The following DCC variants were observed in gnomAD, a reference collection of about 807,000 sequenced individuals.
DCC encodes DCC netrin 1 receptor.
In DCC, 58 loss-of-function variants were observed where a neutral mutation model predicts 172.5. The ratio of observed to expected loss-of-function variants is 0.34; its 90% CI spans 0.27 to 0.42. The LOEUF (loss-of-function observed/expected upper bound fraction) is 0.42, where lower values mean the gene tolerates loss of function less well. DCC is among the 10% of genes least tolerant of loss of function. The pLI is 1.00. For missense variants in DCC, 1,740 were observed against 1,791.0 expected, an observed-to-expected ratio of 0.97 and a Z score of 0.51; for synonymous variants, 709 against 644.5, an observed-to-expected ratio of 1.10 and a Z score of -1.52.
chr18:52,481,838 C>CA (rs887969502), intron 1 of DCC, among the ~76,000 whole-genome samples: 7 of 151,678 alleles, frequency 4.6e-5, no homozygotes, highest in Non-Finnish European at 8.8e-5. Context: ...AGTAAATTAT[C>CA]AAAAAAATCT....
chr18:53,083,967 T>C (rs1254770709), intron 7 of DCC, among the ~76,000 whole-genome samples: 3 of 152,242 alleles, frequency 2.0e-5, no homozygotes, highest in Non-Finnish European at 4.4e-5. Context: ...TTTGTGGTTC[T>C]GAGTTAGTGT....
intron 1 of DCC, among the ~76,000 whole-genome samples, chr18:52,448,844 A>G (rs1394457050): frequency 2.6e-5 from 4 of 152,230 alleles, no homozygotes; most frequent in Admixed American, 2.6e-4. Flanking sequence ...TGCCAAATGT[A>G]TTAAAATGAT....
intron 2 of DCC, among the ~76,000 whole-genome samples, chr18:52,786,366 C>CA (rs978102975): frequency 2.6e-5 from 4 of 151,786 alleles, no homozygotes; most frequent in Non-Finnish European, 4.4e-5. Flanking sequence ...AAAATGTAGG[C>CA]AAAAAAACTT....
chr18:52,342,566 T>TG (rs1421509253), intron 1 of DCC, among the ~76,000 whole-genome samples: 1 of 152,184 alleles, frequency 6.6e-6, no homozygotes, highest in Non-Finnish European at 1.5e-5. Context: ...ACCCTCCTTC[T>TG]GCCCAGAAGA....
intron 5 of DCC, among the ~76,000 whole-genome samples, chr18:52,969,392 T>C (rs748746111): frequency 6.6e-6 from 1 of 152,182 alleles, no homozygotes; most frequent in African/African-American, 2.4e-5. Context: ...ATTACCGAAG[T>C]AGAAACCTGG....
intron 26 of DCC, among the ~76,000 whole-genome samples, chr18:53,493,742 T>A (rs888780139): frequency 6.6e-6 from 1 of 152,050 alleles, no homozygotes. Context: ...TTTTGAAGGG[T>A]TTTTCCTGTC....
intron 5 of DCC, among the ~76,000 whole-genome samples, chr18:52,988,704 A>G (rs1313935796): frequency 6.6e-6 from 1 of 152,208 alleles, no homozygotes; most frequent in East Asian, 1.9e-4. Context: ...TAATCTTTCT[A>G]TTAAGAAGGA....
chr18:53,143,055 G>A (rs8088624), intron 7 of DCC, among the ~76,000 whole-genome samples: 8,149 of 152,200 alleles, frequency 0.054, 291 homozygotes, highest in East Asian at 0.11. Context: ...TCAAGGATAC[G>A]TGACAGCCAC....
In DCC at chr18:52,784,217, C is replaced by T. The variant is rs9960402; in HGVS notation, c.412+31843C>T. On this transcript the variant is annotated intron_variant, in intron 2 of 28. Transcript: ENST00000442544. ...GCCTGCCTTATTTGACTTAACATAG[C>T]GACCTCCATTTCTGTGTTGCTGCAA... Among the ~76,000 whole-genome samples, 1,014 of 151,302 alleles carry T rather than the reference C, an allele frequency of 6.7e-3. 14 individuals are homozygous for T. Among genetic ancestry groups the T allele is most frequent in the African/African-American group, 0.023 (934 of 41,288 alleles).
intron 24 of DCC, among the ~76,000 whole-genome samples, chr18:53,464,270 G>A (rs1448597245): frequency 2.6e-5 from 4 of 152,052 alleles, no homozygotes; most frequent in South Asian, 2.1e-4. Flanking sequence ...GCTTCACTTC[G>A]GAAGAATGAA....
At chr18:52,548,190 T>C (rs1031350696) in intron 1 of DCC, among the ~76,000 whole-genome samples, 2 of 152,196 alleles carry the variant, frequency 1.3e-5, no homozygotes, top group East Asian at 3.9e-4. Context: ...ATTTGTTGCC[T>C]TTTGAAAACA....
intron 1 of DCC, among the ~76,000 whole-genome samples, chr18:52,726,410 T>C (rs1327777586): frequency 6.6e-6 from 1 of 152,204 alleles, no homozygotes; most frequent in Non-Finnish European, 1.5e-5. Flanking sequence ...TACCTTCATT[T>C]TAATTGATTT....
intron 7 of DCC, among the ~76,000 whole-genome samples, chr18:53,073,115 A>T (rs1446473760): frequency 6.6e-6 from 1 of 152,164 alleles, no homozygotes; most frequent in East Asian, 1.9e-4. Flanking sequence ...TTTGTCAAAT[A>T]TTTTTGTAGG....
chr18:52,607,423 A>T lies in DCC; in HGVS notation c.92-144631A>T, dbSNP rs188348574. Among the ~76,000 whole-genome samples, 11 of 152,242 alleles carry T rather than the reference A, an allele frequency of 7.2e-5. No homozygotes were observed. In the East Asian group the frequency reaches 2.1e-3, roughly 29 times the overall value. The stretch of plus-strand genomic sequence containing the variant: ...ACCACTTAAAGATGGGATTTTCAAG[A>T]TCTAATTGGGCAAAGTCTAAAGGTA... On this transcript the variant is annotated intron_variant, in intron 1 of 28. Coordinates refer to ENST00000442544, the MANE Select transcript of DCC (RefSeq NM_005215.4).
chr18:53,491,727 T>G (rs2045961887), intron 26 of DCC, among the ~76,000 whole-genome samples: 1 of 152,226 alleles, frequency 6.6e-6, no homozygotes, highest in African/African-American at 2.4e-5. Context: ...AGTCCATCGT[T>G]GATGGGCATT....
At chr18:52,466,957 C>T (rs1055103914) in intron 1 of DCC, among the ~76,000 whole-genome samples, 4 of 151,930 alleles carry the variant, frequency 2.6e-5, no homozygotes, top group African/African-American at 7.3e-5. Context: ...TGGCAGAACC[C>T]GGATTTCAAA....
In DCC at chr18:53,486,792, T is replaced by C; in HGVS notation, c.3737-5T>C. On this transcript the variant is annotated splice_region_variant and splice_polypyrimidine_tract_variant and intron_variant, in intron 25 of 28. Coordinates refer to ENST00000442544, the MANE Select transcript of DCC (RefSeq NM_005215.4). ...AAAAAACCCATTAACCTTTTTCTTT[T>C]GCAGCTGTCGTGAGCGCCATCCCGG... 6.2e-7 allele frequency: 1 copy of C among 1,614,144 alleles called. No homozygotes were observed. Among genetic ancestry groups the C allele is most frequent in the Non-Finnish European group, 8.5e-7 (1 of 1,180,018 alleles).
intron 12 of DCC, among the ~76,000 whole-genome samples, chr18:53,238,264 G>A (rs2056233904): frequency 1.3e-5 from 2 of 152,006 alleles, no homozygotes; most frequent in Non-Finnish European, 1.5e-5. Context: ...TTGGGTTCTA[G>A]GTGAATCATG....
chr18:52,927,145 A>ATACGTATATACG (rs1568192190), intron 5 of DCC, among the ~76,000 whole-genome samples: 1 of 74,562 alleles, frequency 1.3e-5, no homozygotes, highest in Non-Finnish European at 3.1e-5. Flanking sequence ...ACGTGTATAT[A>ATACGTATATACG]TGTGTATATA....
Sources: allele counts gnomAD v4.1 joint callset (sites outside exome capture counted in the v4.1 genomes callset), GRCh38; gene constraint gnomAD v4.1.1; transcripts MANE v1.5; gene names NCBI Gene and HGNC (gene_info 2026-07-23, HGNC 2026-07-21).